Variants in WWOX observed in about 807,000 individuals in gnomAD.
The protein encoded by WWOX is WW domain-containing oxidoreductase.
In WWOX, 69 loss-of-function variants were observed where a neutral mutation model predicts 46.2. That is an observed-to-expected ratio of 1.49 (90% confidence interval 1.23 to 1.82). The LOEUF is 1.82. Ranked by LOEUF, WWOX falls within the 40% of genes most tolerant of loss-of-function variation. The probability of loss-of-function intolerance (pLI) is 0.00; values close to 1 mark genes in which losing one functional copy is unlikely to be tolerated. For missense variants in WWOX, 919 were observed against 542.6 expected, an observed-to-expected ratio of 1.69 and a Z score of -6.89; for synonymous variants, 359 against 202.6, an observed-to-expected ratio of 1.77 and a Z score of -6.56.
chr16:78,174,450 C>A (rs930127560), intron 5 of WWOX, among the ~76,000 whole-genome samples: 26 of 152,128 alleles, frequency 1.7e-4, no homozygotes, highest in African/African-American at 6.3e-4. Flanking sequence ...GTTGAGATTT[C>A]GGTGGGGCGC....
At chr16:78,275,082 TGCAGAGTTTACTGAGACTTG>T (rs2079551695) in intron 5 of WWOX, among the ~76,000 whole-genome samples, 1 of 152,184 alleles carries the variant, frequency 6.6e-6, no homozygotes, top group African/African-American at 2.4e-5. Context: ...CTGTGGCCCA[TGCAGAGTTTACTGAGACTTG>T]GCTCTTGCCT....
At chr16:78,788,616 C>A (rs776093597) in intron 8 of WWOX, among the ~76,000 whole-genome samples, 1 of 152,174 alleles carries the variant, frequency 6.6e-6, no homozygotes, top group Admixed American at 6.5e-5. Flanking sequence ...CATACCTCGC[C>A]CTATGTGTCT....
At chr16:78,789,754 A>G (rs1025169007) in intron 8 of WWOX, among the ~76,000 whole-genome samples, 1 of 152,182 alleles carries the variant, frequency 6.6e-6, no homozygotes, top group African/African-American at 2.4e-5. Context: ...ACGGTTGGCC[A>G]GCTCCCAAAC....
chr16:78,312,064 C>T (rs1439296761), intron 5 of WWOX, among the ~76,000 whole-genome samples: 1 of 152,152 alleles, frequency 6.6e-6, no homozygotes, highest in East Asian at 1.9e-4. Context: ...GGGCTGACTC[C>T]TTCAATGGCC....
At chr16:78,255,129 C>A (rs1167728265) in intron 5 of WWOX, among the ~76,000 whole-genome samples, 1 of 152,172 alleles carries the variant, frequency 6.6e-6, no homozygotes, top group Non-Finnish European at 1.5e-5. Context: ...TTTTCCAAGG[C>A]CTCTGATTTT....
At chr16:78,793,358 G>A (rs1270101361) in intron 8 of WWOX, among the ~76,000 whole-genome samples, 1 of 152,152 alleles carries the variant, frequency 6.6e-6, no homozygotes, top group Admixed American at 6.5e-5. Flanking sequence ...ACCATGCCAG[G>A]CCCCTGCCTC....
At chr16:78,667,097 T>C (rs915347820) in intron 8 of WWOX, among the ~76,000 whole-genome samples, 1 of 152,240 alleles carries the variant, frequency 6.6e-6, no homozygotes, top group Non-Finnish European at 1.5e-5. Context: ...ACTTGCTTTT[T>C]AAATTCAGTC....
intron 8 of WWOX, among the ~76,000 whole-genome samples, chr16:78,774,283 C>G (rs1179400270): frequency 6.6e-6 from 1 of 152,130 alleles, no homozygotes; most frequent in Non-Finnish European, 1.5e-5. Context: ...CGCCTGTAAT[C>G]CCAGCTACTC....
At chr16:79,143,451 C>T (rs1290210446) in intron 8 of WWOX, among the ~76,000 whole-genome samples, 1 of 152,170 alleles carries the variant, frequency 6.6e-6, no homozygotes. Context: ...GTGGTGTATT[C>T]TGTGGCTCGG....
chr16:79,028,051 A>G (rs1393168847), intron 8 of WWOX, among the ~76,000 whole-genome samples: 2 of 151,746 alleles, frequency 1.3e-5, no homozygotes, highest in Non-Finnish European at 2.9e-5. Flanking sequence ...TCCTGGGTTC[A>G]CGCCATTCTC....
intron 8 of WWOX, among the ~76,000 whole-genome samples, chr16:78,877,870 C>G (rs1195929070): frequency 6.6e-6 from 1 of 152,120 alleles, no homozygotes. Flanking sequence ...ATAGCTAAGC[C>G]CAGCAGCCCA....
intron 8 of WWOX, among the ~76,000 whole-genome samples, chr16:78,988,283 G>T (rs1219594991): frequency 6.6e-6 from 1 of 151,232 alleles, no homozygotes; most frequent in African/African-American, 2.4e-5. Context: ...GGCAGAGGTT[G>T]CAGTGAGCCA....
At chr16:78,415,779 G>C (rs764333873) in intron 6 of WWOX, among the ~76,000 whole-genome samples, 2 of 152,140 alleles carry the variant, frequency 1.3e-5, no homozygotes, top group Non-Finnish European at 2.9e-5. Context: ...CTGTCATAAG[G>C]AATCTTGGCC....
At chr16:78,216,328 T>G (rs1362412753) in intron 5 of WWOX, among the ~76,000 whole-genome samples, 5 of 152,238 alleles carry the variant, frequency 3.3e-5, no homozygotes, top group African/African-American at 9.6e-5. Flanking sequence ...ACCAGTGGAC[T>G]GATGGATGCG....
chr16:78,760,787 C>T (rs144540687), intron 8 of WWOX, among the ~76,000 whole-genome samples: 1 of 152,152 alleles, frequency 6.6e-6, no homozygotes, highest in Non-Finnish European at 1.5e-5. Flanking sequence ...TGTTTTCACT[C>T]TGCTGATAAA....
intron 8 of WWOX, among the ~76,000 whole-genome samples, chr16:78,749,751 G>A (rs899245135): frequency 1.3e-5 from 2 of 152,150 alleles, no homozygotes; most frequent in African/African-American, 2.4e-5. Context: ...AAGCCGTATT[G>A]GATGTTCAAA....
At chr16:78,354,729 C>A (rs997385963) in intron 5 of WWOX, among the ~76,000 whole-genome samples, 1 of 151,646 alleles carries the variant, frequency 6.6e-6, no homozygotes, top group South Asian at 2.1e-4. Context: ...TCATTATGTT[C>A]TCTCATTCTG....
intron 8 of WWOX, among the ~76,000 whole-genome samples, chr16:78,437,578 C>G (rs918083209): frequency 6.6e-6 from 1 of 152,206 alleles, no homozygotes; most frequent in Non-Finnish European, 1.5e-5. Context: ...CCTCCCTCTT[C>G]TTCTTCAGAT....
chr16:78,922,393 T>A lies in WWOX; in HGVS notation c.1057-289215T>A, dbSNP rs926495197. Among the ~76,000 whole-genome samples, 13 of 152,070 alleles carry A rather than the reference T, an allele frequency of 8.5e-5. No homozygotes were observed. The South Asian group carries it at 2.5e-3, about 29-fold the overall frequency. ...TATATTTCAGTGATTTTTTTTTTTT[T>A]TTTGAGACAGTCTCTCATTCTGTCG... On this transcript the variant is annotated intron_variant, in intron 8 of 8. Transcript: ENST00000566780.
Sources: gnomAD v4.1 joint callset for allele counts (sites outside exome capture counted in the v4.1 genomes callset) on GRCh38, gnomAD v4.1.1 for gene constraint, MANE v1.5 for transcripts, NCBI Gene and HGNC (gene_info 2026-07-23, HGNC 2026-07-21) for gene names.